The following MAP2 variants were observed in gnomAD, a reference collection of about 807,000 sequenced individuals.
MAP2 encodes microtubule associated protein 2, also known as microtubule-associated protein 2.
MAP2 carries 14 observed loss-of-function variants against 137.6 expected under a neutral mutation model. That is an observed-to-expected ratio of 0.10 (90% CI 0.07 to 0.16). The LOEUF is 0.16. Among genes scored for constraint, MAP2 ranks in the 10% least tolerant of loss-of-function variants. MAP2 has a pLI of 1.00. For synonymous variants in MAP2, 786 were observed against 782.3 expected (o/e 1.00, Z -0.08); for missense variants, 2,088 against 2,191.5 (o/e 0.95, Z 0.94).
At position 209,693,396 on chromosome 2, in the gene MAP2, A is replaced by G; in HGVS notation, c.1226A>G (p.Glu409Gly). ...VEEHVMGKVL[E>G]EEKEAINQET... The stretch of plus-strand genomic sequence containing the variant: ...GAACATGTTATGGGGAAAGTTTTAG[A>G]GGAAGAAAAGGAGGCCATAAATCAA... The change falls in exon 8 of 16, where the codon GAG becomes GGG. Residue 409 changes from glutamate (E) to glycine (G), a missense_variant. Coordinates refer to ENST00000682079, the MANE Select transcript of MAP2 (RefSeq NM_001375505.1). 6.2e-7 allele frequency: 1 copy of G among 1,612,104 alleles called. No individual in the cohort carries two copies. Among genetic ancestry groups the G allele is most frequent in the African/African-American group, 1.3e-5 (1 of 74,728 alleles).
intron 1 of MAP2, among the ~76,000 whole-genome samples, chr2:209,432,313 A>G (rs900961684): frequency 3.3e-5 from 5 of 152,022 alleles, no homozygotes; most frequent in African/African-American, 1.2e-4. Flanking sequence ...TTCTCTGCCT[A>G]CAGTGCTCTA....
chr2:209,655,654 A>G (rs922908202), intron 5 of MAP2, among the ~76,000 whole-genome samples: 113 of 152,366 alleles, frequency 7.4e-4, no homozygotes, highest in Admixed American at 5.8e-3. Context: ...TAGAAATGCT[A>G]TCCTTTGATG....
intron 3 of MAP2, among the ~76,000 whole-genome samples, chr2:209,586,424 T>A (rs2077738179): frequency 6.6e-6 from 1 of 152,132 alleles, no homozygotes; most frequent in African/African-American, 2.4e-5. Flanking sequence ...AGAAAAAATA[T>A]GAGAAACCTT....
intron 10 of MAP2, among the ~76,000 whole-genome samples, chr2:209,699,027 CTT>C (rs1323726671): frequency 6.6e-6 from 1 of 152,092 alleles, no homozygotes; most frequent in Non-Finnish European, 1.5e-5. Flanking sequence ...AATTTAAAAT[CTT>C]TGAACTAATG....
chr2:209,626,319 G>GC (rs2153534924), intron 4 of MAP2, among the ~76,000 whole-genome samples: 1 of 152,254 alleles, frequency 6.6e-6, no homozygotes, highest in South Asian at 2.1e-4. Context: ...GGAGGCTGAG[G>GC]CAGGAGTATC....
chr2:209,583,147 G>GTCTGTCTGTCTATCTATCTATCTATCTA (rs372013614), intron 3 of MAP2, among the ~76,000 whole-genome samples: 1 of 147,152 alleles, frequency 6.8e-6, no homozygotes, highest in African/African-American at 2.6e-5. Context: ...CTGTCTGTCT[G>GTCTGTCTGTCTATCTATCTATCTATCTA]TCTATCTATC....
intron 3 of MAP2, among the ~76,000 whole-genome samples, chr2:209,600,579 G>A (rs2082694411): frequency 6.6e-6 from 1 of 152,056 alleles, no homozygotes; most frequent in Non-Finnish European, 1.5e-5. Context: ...TCCCCCAAAT[G>A]GCAAAGATCC....
At chr2:209,606,895 G>T (rs2084953800) in intron 3 of MAP2, among the ~76,000 whole-genome samples, 1 of 152,148 alleles carries the variant, frequency 6.6e-6, no homozygotes, top group Non-Finnish European at 1.5e-5. Flanking sequence ...TGACTTCACA[G>T]TAAATGAATA....
chr2:209,620,377 A>ACCATATGT (rs2090770396), intron 3 of MAP2, among the ~76,000 whole-genome samples: 1 of 152,214 alleles, frequency 6.6e-6, no homozygotes, highest in South Asian at 2.1e-4. Context: ...TCCACTGAAG[A>ACCATATGT]CCATATGTTA....
intron 6 of MAP2, 46 bp from the exon 7 acceptor site, chr2:209,680,704 A>T: frequency 6.6e-7 from 1 of 1,520,904 alleles, no homozygotes; most frequent in Non-Finnish European, 9.1e-7. Context: ...TACCAGCCTA[A>T]AAGGATTAAT....
intron 12 of MAP2, 60 bp from the exon 13 acceptor site, chr2:209,709,854 G>A (rs1385140695): frequency 4.2e-6 from 5 of 1,180,098 alleles, no homozygotes; most frequent in Non-Finnish European, 6.2e-6. Flanking sequence ...ATGGGAAGAG[G>A]GATGTTTTGA....
chr2:209,620,281 G>A (rs534298804), intron 3 of MAP2, among the ~76,000 whole-genome samples: 2 of 152,226 alleles, frequency 1.3e-5, no homozygotes, highest in South Asian at 2.1e-4. Context: ...AACCCAGCCC[G>A]TTAGTCCTCT....
At chr2:209,661,217 T>G (rs983601300) in intron 5 of MAP2, among the ~76,000 whole-genome samples, 1 of 152,204 alleles carries the variant, frequency 6.6e-6, no homozygotes, top group Non-Finnish European at 1.5e-5. Context: ...CCTCCGTTTC[T>G]AGATTTGCGA....
At chr2:209,586,941 G>A (rs2153420723) in intron 3 of MAP2, among the ~76,000 whole-genome samples, 1 of 152,250 alleles carries the variant, frequency 6.6e-6, no homozygotes, top group South Asian at 2.1e-4. Flanking sequence ...AGAGCAAATT[G>A]CCTGTCTACT....
intron 4 of MAP2, among the ~76,000 whole-genome samples, chr2:209,641,858 GGT>G (rs2094054877): frequency 1.3e-5 from 2 of 152,000 alleles, no homozygotes; most frequent in Non-Finnish European, 2.9e-5. Flanking sequence ...TGTATATCAT[GGT>G]CACATAAAGA....
chr2:209,639,134 T>G (rs2153571512), intron 4 of MAP2, among the ~76,000 whole-genome samples: 1 of 152,204 alleles, frequency 6.6e-6, no homozygotes, highest in East Asian at 1.9e-4. Flanking sequence ...CCTCTCAAAG[T>G]GCTGAGATTA....
intron 4 of MAP2, among the ~76,000 whole-genome samples, chr2:209,630,202 G>A (rs753236908): frequency 1.4e-4 from 21 of 152,102 alleles, no homozygotes; most frequent in Non-Finnish European, 2.6e-4. Context: ...CATAATCCAA[G>A]GGCTCAGAAA....
At chr2:209,434,917 A>ATATG (rs377079366) in intron 1 of MAP2, among the ~76,000 whole-genome samples, 1,911 of 133,578 alleles carry the variant, frequency 0.014, 38 homozygotes, top group East Asian at 0.057. Flanking sequence ...TGTTATATAT[A>ATATG]TGTTATATAT....
intron 1 of MAP2, among the ~76,000 whole-genome samples, chr2:209,472,932 T>C (rs969786050): frequency 1.3e-5 from 2 of 152,162 alleles, no homozygotes; most frequent in Non-Finnish European, 2.9e-5. Context: ...TCAAACAATG[T>C]ATAGGGATTT....
Sources: gnomAD v4.1 joint callset for allele counts (sites outside exome capture counted in the v4.1 genomes callset) on GRCh38, gnomAD v4.1.1 for gene constraint, MANE v1.5 for transcripts, NCBI Gene and HGNC (gene_info 2026-07-23, HGNC 2026-07-21) for gene names.